Variants in CCSER1 observed in about 807,000 individuals in gnomAD.
The protein encoded by CCSER1 is serine-rich coiled-coil domain-containing protein 1.
In CCSER1, 41 loss-of-function variants were observed where a neutral mutation model predicts 82.0. The observed-to-expected ratio is 0.50, with a 90% CI of 0.39 to 0.65. The LOEUF (loss-of-function observed/expected upper bound fraction) is 0.65, where lower values mean the gene tolerates loss of function less well. CCSER1 is among the 30% of genes least tolerant of loss of function. CCSER1 has a pLI of 0.00. For synonymous variants in CCSER1, 414 were observed against 383.9 expected (o/e 1.08, Z -0.92); for missense variants, 1,119 against 1,064.2 (o/e 1.05, Z -0.72).
chr4:91,500,413 T>C (rs942058610), intron 10 of CCSER1, among the ~76,000 whole-genome samples: 6 of 152,106 alleles, frequency 3.9e-5, no homozygotes, highest in African/African-American at 1.2e-4. Context: ...TCCTGGTATA[T>C]GACTTGGCTT....
At chr4:91,436,022 T>C (rs1194292768) in intron 10 of CCSER1, among the ~76,000 whole-genome samples, 1 of 152,208 alleles carries the variant, frequency 6.6e-6, no homozygotes, top group African/African-American at 2.4e-5. Context: ...GCCCATCCAT[T>C]TGTGGCTCCC....
chr4:90,499,169 T>A (rs571378664), intron 5 of CCSER1, among the ~76,000 whole-genome samples: 1 of 151,944 alleles, frequency 6.6e-6, no homozygotes, highest in East Asian at 1.9e-4. Flanking sequence ...TATGTGACAT[T>A]TTAAGGCTTT....
chr4:90,943,313 G>A (rs916816376), intron 9 of CCSER1, among the ~76,000 whole-genome samples: 1 of 151,898 alleles, frequency 6.6e-6, no homozygotes, highest in South Asian at 2.1e-4. Flanking sequence ...ATAGATTTAG[G>A]GTTCAATTTA....
chr4:91,209,038 C>G (rs1291359584), intron 10 of CCSER1, among the ~76,000 whole-genome samples: 2 of 151,864 alleles, frequency 1.3e-5, no homozygotes, highest in African/African-American at 4.8e-5. Context: ...TATAGGAATG[C>G]TACTAATTTT....
intron 10 of CCSER1, among the ~76,000 whole-genome samples, chr4:91,220,768 G>A (rs1363238779): frequency 6.6e-6 from 1 of 151,780 alleles, no homozygotes; most frequent in Non-Finnish European, 1.5e-5. Context: ...TGAAAAAAAA[G>A]GAAAGAAAAG....
chr4:91,505,217 T>C (rs1175691244), intron 10 of CCSER1, among the ~76,000 whole-genome samples: 1 of 152,222 alleles, frequency 6.6e-6, no homozygotes, highest in East Asian at 1.9e-4. Flanking sequence ...TTCCTCTTGT[T>C]TGCTGAGGAT....
At chr4:90,687,900 C>A (rs533906249) in intron 6 of CCSER1, among the ~76,000 whole-genome samples, 3 of 152,236 alleles carry the variant, frequency 2.0e-5, no homozygotes, top group African/African-American at 7.2e-5. Context: ...AAATAATTTT[C>A]GGATACCTGC....
At chr4:90,262,541 G>T (rs892278237) in intron 1 of CCSER1, among the ~76,000 whole-genome samples, 2 of 152,116 alleles carry the variant, frequency 1.3e-5, no homozygotes, top group African/African-American at 4.8e-5. Flanking sequence ...TATTTACTGA[G>T]TTAATGGTTC....
intron 10 of CCSER1, among the ~76,000 whole-genome samples, chr4:91,237,171 C>T (rs898062662): frequency 1.7e-4 from 26 of 151,706 alleles, no homozygotes; most frequent in African/African-American, 6.1e-4. Context: ...ATTATATGTC[C>T]ATTCTTTCTT....
intron 10 of CCSER1, among the ~76,000 whole-genome samples, chr4:91,176,728 A>G (rs28816695): frequency 0.014 from 2,090 of 152,254 alleles, 30 homozygotes; most frequent in African/African-American, 0.037. Context: ...GGCTGAGACA[A>G]TGGGATTTTC....
chr4:91,543,590 G>A (rs532952118), intron 10 of CCSER1, among the ~76,000 whole-genome samples: 10 of 152,252 alleles, frequency 6.6e-5, no homozygotes, highest in Middle Eastern at 3.4e-3. Context: ...TGAAATCTGA[G>A]TTGAAAATTC....
chr4:91,414,183 CT>C lies in CCSER1; in HGVS notation c.2218-184386del, dbSNP rs542053052. Among the ~76,000 whole-genome samples the C allele has an allele frequency of 1.0e-3, 155 of 152,174 alleles. 1 individual carries two copies. Among genetic ancestry groups the C allele is most frequent in the African/African-American group, 3.6e-3 (151 of 41,514 alleles). ...ATGGTGGCATATAAATTACTTTTAA[CT>C]TTAACAGAAATGTTAAAAGACAAAA... On this transcript the variant is annotated intron_variant, in intron 10 of 10. Coordinates refer to ENST00000509176, the MANE Select transcript of CCSER1 (RefSeq NM_001145065.2).
At chr4:91,249,201 G>T (rs1324795268) in intron 10 of CCSER1, among the ~76,000 whole-genome samples, 3 of 152,020 alleles carry the variant, frequency 2.0e-5, no homozygotes, top group Admixed American at 1.3e-4. Context: ...TTGAAGGCTT[G>T]ATTTGGTTCA....
chr4:90,150,311 T>G (rs764948379), intron 1 of CCSER1, among the ~76,000 whole-genome samples: 18 of 152,102 alleles, frequency 1.2e-4, no homozygotes, highest in Non-Finnish European at 2.2e-4. Context: ...TCCTATTTAT[T>G]TTTCTGTTCT....
At chr4:91,179,266 G>A (rs990204760) in intron 10 of CCSER1, among the ~76,000 whole-genome samples, 1 of 152,122 alleles carries the variant, frequency 6.6e-6, no homozygotes, top group Non-Finnish European at 1.5e-5. Context: ...TGGTGAATCT[G>A]ACAGTTATGT....
chr4:90,150,336 C>T (rs1328335091), intron 1 of CCSER1, among the ~76,000 whole-genome samples: 1 of 152,038 alleles, frequency 6.6e-6, no homozygotes, highest in Non-Finnish European at 1.5e-5. Flanking sequence ...TTAATAGCGA[C>T]TCCCATAGTA....
chr4:90,704,817 A>G (rs1738975413), intron 6 of CCSER1, among the ~76,000 whole-genome samples: 1 of 152,158 alleles, frequency 6.6e-6, no homozygotes, highest in Non-Finnish European at 1.5e-5. Context: ...CATGGTTTTC[A>G]GCTCCATCAG....
intron 1 of CCSER1, among the ~76,000 whole-genome samples, chr4:90,171,371 A>C (rs950419470): frequency 6.6e-6 from 1 of 151,882 alleles, no homozygotes; most frequent in Admixed American, 6.6e-5. Flanking sequence ...AACTGCCCAC[A>C]TGAAAACAGA....
At chr4:91,412,834 A>C (rs1335980289) in intron 10 of CCSER1, among the ~76,000 whole-genome samples, 2 of 152,156 alleles carry the variant, frequency 1.3e-5, no homozygotes, top group African/African-American at 4.8e-5. Context: ...ACATGATACC[A>C]CCAAATGAAA....
Sources: allele counts gnomAD v4.1 joint callset (sites outside exome capture counted in the v4.1 genomes callset), GRCh38; gene constraint gnomAD v4.1.1; transcripts MANE v1.5; gene names NCBI Gene and HGNC (gene_info 2026-07-23, HGNC 2026-07-21).